EML6: variants seen among roughly 807,000 people sequenced by gnomAD.
The protein encoded by EML6 is EMAP like 6.
In EML6, 154 loss-of-function variants were observed where a neutral mutation model predicts 240.1. That is an observed-to-expected ratio of 0.64 (90% CI 0.56 to 0.73). The LOEUF is 0.73. Among genes scored for constraint, EML6 ranks in the 30% least tolerant of loss-of-function variants. The pLI is 0.00. For synonymous variants in EML6, 1,148 were observed against 899.0 expected (o/e 1.28, Z -4.95); for missense variants, 2,964 against 2,474.6 (o/e 1.20, Z -4.20).
intron 28 of EML6, among the ~76,000 whole-genome samples, chr2:54,929,965 A>T (rs1023454788): frequency 8.5e-5 from 13 of 152,214 alleles, no homozygotes; most frequent in African/African-American, 1.4e-4. Flanking sequence ...AATAATTTTT[A>T]AAAGTCCTAA....
chr2:54,745,299 C>CCG lies in EML6; in HGVS notation c.197+20041_197+20042insCG, dbSNP rs1572849095. On this transcript the variant is annotated intron_variant, in intron 2 of 41. Transcript: ENST00000356458. The stretch of plus-strand genomic sequence containing the variant: ...GGGAACAGGTTGGCAGTCTTGACTG[C>CCG]AGGTCTGATCTTCAGGAAGGTGGTT... 3.3e-5 allele frequency among the ~76,000 whole-genome samples: 5 copies of CCG among 152,154 alleles called. No individual in the cohort carries two copies. The East Asian group carries it at 9.6e-4, about 29-fold the overall frequency.
rs752742272 is a variant in EML6 at position 54,968,118 on chromosome 2, G to A, written c.5598-10G>A. 6.4e-7 allele frequency: 1 copy of A among 1,550,588 alleles called. No individual in the cohort carries two copies. The highest frequency in any genetic ancestry group is 2.4e-5 in the East Asian group (1 of 40,916). On this transcript the variant is annotated splice_polypyrimidine_tract_variant and intron_variant, in intron 39 of 41. Coordinates refer to ENST00000356458, the MANE Select transcript of EML6 (RefSeq NM_001039753.4). ...TCCTTCTATCCTAACCCCTCTTTCT[G>A]TTGGAACAGCGTCCTGGGAGATGAA...
chr2:54,882,307 A>G (rs1472857969), intron 17 of EML6: 2 of 143,160 alleles, frequency 1.4e-5, no homozygotes, highest in Admixed American at 7.1e-5. Context: ...GATCATTCCA[A>G]TTTTAGTCTA....
intron 28 of EML6, among the ~76,000 whole-genome samples, chr2:54,928,994 A>G (rs1674712485): frequency 6.6e-6 from 1 of 150,424 alleles, no homozygotes; most frequent in Non-Finnish European, 1.5e-5. Flanking sequence ...AATAGACATG[A>G]AATTTAGTTG....
chr2:54,950,845 T>A, intron 30 of EML6, 66 bp downstream of exon 30: 7 of 1,475,108 alleles, frequency 4.7e-6, no homozygotes, highest in Non-Finnish European at 5.5e-6. Flanking sequence ...CCCCACTCTT[T>A]AGATGCCCAA....
intron 32 of EML6, among the ~76,000 whole-genome samples, chr2:54,956,669 G>A (rs920942575): frequency 2.6e-5 from 4 of 152,098 alleles, no homozygotes; most frequent in African/African-American, 7.2e-5. Context: ...TTCTGTTAGG[G>A]AGTATCAGAG....
chr2:54,855,631 G>GA (rs1670335255), intron 11 of EML6, among the ~76,000 whole-genome samples: 1 of 152,158 alleles, frequency 6.6e-6, no homozygotes, highest in African/African-American at 2.4e-5. Flanking sequence ...TGAATGAGGA[G>GA]AGATGGACAG....
intron 25 of EML6, among the ~76,000 whole-genome samples, chr2:54,915,781 A>T (rs984407007): frequency 2.0e-5 from 3 of 152,152 alleles, no homozygotes; most frequent in African/African-American, 7.2e-5. Flanking sequence ...AACAGTTTCA[A>T]ATTCAAAAAG....
chr2:54,859,987 A>T (rs891621661), intron 12 of EML6, among the ~76,000 whole-genome samples: 3 of 152,216 alleles, frequency 2.0e-5, no homozygotes, highest in Non-Finnish European at 2.9e-5. Flanking sequence ...CCACTCATGG[A>T]CACCAAATAC....
At position 54,861,535 on chromosome 2, in the gene EML6, T is replaced by C. The variant is rs764443746; in HGVS notation, c.1825+1834T>C. 2.0e-5 allele frequency among the ~76,000 whole-genome samples: 3 copies of C among 152,254 alleles called. No homozygotes were observed. In the South Asian group the frequency reaches 6.2e-4, roughly 32 times the overall value. On this transcript the variant is annotated intron_variant, in intron 12 of 41. Transcript: ENST00000356458. Reference sequence around the variant, plus strand: ...TGAAGATAGAAGGAATTGAAACACATAGTCCACCCTCCAACCCTTCTAGCT... The same window carrying C: ...TGAAGATAGAAGGAATTGAAACACACAGTCCACCCTCCAACCCTTCTAGCT...
chr2:54,879,693 A>C, intron 17 of EML6, 53 bp downstream of exon 17: 2 of 1,044,092 alleles, frequency 1.9e-6, no homozygotes, highest in Non-Finnish European at 2.8e-6. Flanking sequence ...GGTTCAGTAA[A>C]GGTCAATAGT....
At chr2:54,966,933 G>C (rs540652486) in intron 38 of EML6, 67 bp from the exon 39 acceptor site, 2 of 1,017,246 alleles carry the variant, frequency 2.0e-6, no homozygotes, top group African/African-American at 3.2e-5. Flanking sequence ...CTGGGAAACT[G>C]TGCCCAAAGG....
intron 2 of EML6, among the ~76,000 whole-genome samples, chr2:54,800,861 ATTGGGGATTAAATTTGATCTAACATG>A (rs1332164650): frequency 1.3e-5 from 2 of 152,134 alleles, no homozygotes; most frequent in Non-Finnish European, 2.9e-5. Flanking sequence ...GTAGACTCTT[ATTGGGGATTAAATTTGATCTAACATG>A]TGACGTCTCT....
At position 54,952,597 on chromosome 2, in the gene EML6, G is replaced by C. The variant is rs1023953590; in HGVS notation, c.4217G>C (p.Ser1406Thr). ...AGIVQNLSTGSQSFYLEHTDD... is the reference protein window; with the variant it reads ...AGIVQNLSTGTQSFYLEHTDD... ...TCCCATGATCTCTCTCCCCCAGGGA[G>C]CCAGAGCTTCTATCTGGAGCACACA... is the stretch of plus-strand genomic sequence containing the variant. The change falls in exon 31 of 42, where the codon AGC becomes ACC. Residue 1406 changes from serine to threonine, a missense_variant. Transcript: ENST00000356458. The C allele has an allele frequency of 3.2e-6, 5 of 1,549,508 alleles. No individual in the cohort carries two copies. The Admixed American group carries it at 7.8e-5, about 24-fold the overall frequency.
chr2:54,781,049 A>C (rs1668834265), intron 2 of EML6, among the ~76,000 whole-genome samples: 1 of 152,242 alleles, frequency 6.6e-6, no homozygotes, highest in African/African-American at 2.4e-5. Context: ...CTGAATAGTA[A>C]AAATAACAAT....
chr2:54,769,014 G>C (rs941968543), intron 2 of EML6, among the ~76,000 whole-genome samples: 1 of 152,130 alleles, frequency 6.6e-6, no homozygotes, highest in African/African-American at 2.4e-5. Flanking sequence ...GCTTTCAGTG[G>C]AAAGCTGGGT....
chr2:54,959,913 G>C (rs1676416685), intron 34 of EML6, among the ~76,000 whole-genome samples: 1 of 152,230 alleles, frequency 6.6e-6, no homozygotes, highest in South Asian at 2.1e-4. Flanking sequence ...AAAGCCTGAA[G>C]ACAGGAGAAA....
chr2:54,830,309 C>T (rs1309003316), intron 7 of EML6, among the ~76,000 whole-genome samples: 1 of 152,170 alleles, frequency 6.6e-6, no homozygotes, highest in Non-Finnish European at 1.5e-5. Context: ...GTTCTGTTCA[C>T]TCCCCACAGG....
chr2:54,812,162 T>G (rs1457380771), intron 2 of EML6, among the ~76,000 whole-genome samples: 1 of 152,190 alleles, frequency 6.6e-6, no homozygotes, highest in African/African-American at 2.4e-5. Context: ...AGATTGACTA[T>G]ATCATCTATT....
Sources: gnomAD v4.1 joint callset for allele counts (sites outside exome capture counted in the v4.1 genomes callset) on GRCh38, gnomAD v4.1.1 for gene constraint, MANE v1.5 for transcripts, NCBI Gene and HGNC (gene_info 2026-07-23, HGNC 2026-07-21) for gene names.